CACNA2D3: variants seen among roughly 807,000 people sequenced by gnomAD.
CACNA2D3 encodes voltage-dependent calcium channel subunit alpha-2/delta-3.
Under a neutral mutation model 160.6 loss-of-function variants are expected in CACNA2D3, and 60 were observed. That is an observed-to-expected ratio of 0.37 (90% CI 0.30 to 0.46). The LOEUF is 0.46. Ranked by LOEUF, CACNA2D3 falls within the 20% of genes least tolerant of loss-of-function variation. CACNA2D3 has a pLI of 1.00. For missense variants in CACNA2D3, 1,205 were observed against 1,365.0 expected, an observed-to-expected ratio of 0.88 and a Z score of 1.85; for synonymous variants, 558 against 492.9, an observed-to-expected ratio of 1.13 and a Z score of -1.75.
chr3:54,272,790 G>A (rs557525132), intron 2 of CACNA2D3: 1 of 152,308 alleles, frequency 6.6e-6, no homozygotes, highest in South Asian at 2.1e-4. Flanking sequence ...CCTGAAAAGG[G>A]GATTGCACAG....
intron 4 of CACNA2D3, among the ~76,000 whole-genome samples, chr3:54,414,575 A>G (rs1353630977): frequency 6.6e-6 from 1 of 152,082 alleles, no homozygotes; most frequent in Non-Finnish European, 1.5e-5. Context: ...TTATGTGTTT[A>G]GAAACTCTGG....
At chr3:55,029,971 T>A (rs1380922215) in intron 35 of CACNA2D3, among the ~76,000 whole-genome samples, 1 of 152,222 alleles carries the variant, frequency 6.6e-6, no homozygotes, top group Non-Finnish European at 1.5e-5. Context: ...TGGGCTTTGT[T>A]TAATTTCTAA....
At chr3:54,408,149 A>T (rs1228497330) in intron 4 of CACNA2D3, among the ~76,000 whole-genome samples, 1 of 152,184 alleles carries the variant, frequency 6.6e-6, no homozygotes, top group African/African-American at 2.4e-5. Flanking sequence ...TTCAATTGTG[A>T]TAAGTGACAT....
At chr3:54,935,685 A>G (rs1701310553) in intron 27 of CACNA2D3, among the ~76,000 whole-genome samples, 1 of 152,286 alleles carries the variant, frequency 6.6e-6, no homozygotes, top group South Asian at 2.1e-4. Context: ...TTGCTTTTGT[A>G]CTTTTACTAT....
In CACNA2D3 at chr3:54,776,854, G is replaced by A. The variant is rs556516990; in HGVS notation, c.1380+12503G>A. Among the ~76,000 whole-genome samples, 3 of 152,244 alleles carry A rather than the reference G, an allele frequency of 2.0e-5. No homozygotes were observed. In the East Asian group the frequency reaches 5.8e-4, roughly 29 times the overall value. On this transcript the variant is annotated intron_variant, in intron 13 of 37. Coordinates refer to ENST00000474759, the MANE Select transcript of CACNA2D3 (RefSeq NM_018398.3). ...AGACTATCCCTGCTGTGTGGGTGGT[G>A]GGAAGCCCTCTCCCTTGTGCCTTCC... is the stretch of plus-strand genomic sequence containing the variant.
At chr3:54,552,693 C>T (rs561504731) in intron 5 of CACNA2D3, among the ~76,000 whole-genome samples, 9 of 152,214 alleles carry the variant, frequency 5.9e-5, no homozygotes, top group African/African-American at 1.4e-4. Context: ...CCATCTCTGC[C>T]GCTATCATCA....
intron 35 of CACNA2D3, among the ~76,000 whole-genome samples, chr3:55,072,330 A>G (rs1704828574): frequency 6.8e-6 from 1 of 147,978 alleles, no homozygotes; most frequent in Non-Finnish European, 1.5e-5. Flanking sequence ...AGAGGCATTC[A>G]TGGATCATTC....
chr3:54,630,329 G>A (rs889494952), intron 10 of CACNA2D3, among the ~76,000 whole-genome samples: 1 of 152,024 alleles, frequency 6.6e-6, no homozygotes, highest in Non-Finnish European at 1.5e-5. Context: ...TCTATTTTCT[G>A]TTCCTTTCCC....
intron 11 of CACNA2D3, among the ~76,000 whole-genome samples, chr3:54,722,230 G>C (rs1391754657): frequency 6.6e-6 from 1 of 152,074 alleles, no homozygotes; most frequent in Non-Finnish European, 1.5e-5. Flanking sequence ...TATGCTTCAC[G>C]AAGTTCTCAT....
At chr3:54,129,644 CAG>C (rs1699667163) in intron 2 of CACNA2D3, among the ~76,000 whole-genome samples, 2 of 152,320 alleles carry the variant, frequency 1.3e-5, no homozygotes, top group South Asian at 4.1e-4. Flanking sequence ...TAATGGAAAA[CAG>C]TACCCTCCCA....
intron 2 of CACNA2D3, among the ~76,000 whole-genome samples, chr3:54,269,812 T>C (rs1376259344): frequency 1.3e-5 from 2 of 152,222 alleles, no homozygotes; most frequent in African/African-American, 4.8e-5. Flanking sequence ...TTGTTTTTTG[T>C]TGTTTGTTTG....
intron 14 of CACNA2D3, among the ~76,000 whole-genome samples, chr3:54,833,258 C>G (rs184415571): frequency 2.0e-5 from 3 of 152,142 alleles, no homozygotes; most frequent in Non-Finnish European, 4.4e-5. Context: ...GCACCACAAC[C>G]ACAGGTTTCA....
At chr3:54,324,065 A>G (rs1026601427) in intron 3 of CACNA2D3, among the ~76,000 whole-genome samples, 5 of 152,248 alleles carry the variant, frequency 3.3e-5, no homozygotes, top group Non-Finnish European at 5.9e-5. Context: ...GGAAGCTACA[A>G]TAACAACACC....
At position 54,685,704 on chromosome 3, in the gene CACNA2D3, C is replaced by G. The variant is rs143187139; in HGVS notation, c.1167+43463C>G. Among the ~76,000 whole-genome samples the G allele has an allele frequency of 1.2e-3, 188 of 152,334 alleles. 1 individual carries two copies. Among genetic ancestry groups the G allele is most frequent in the African/African-American group, 4.1e-3 (170 of 41,578 alleles). ...GGCTGACATCGTCCCTACCTAGTAA[C>G]TGTTCATGGCTAGCTATTAGTACAG... On this transcript the variant is annotated intron_variant, in intron 11 of 37. Coordinates refer to ENST00000474759, the MANE Select transcript of CACNA2D3 (RefSeq NM_018398.3).
chr3:54,980,144 A>G (rs1361608850), intron 29 of CACNA2D3, among the ~76,000 whole-genome samples: 2 of 152,194 alleles, frequency 1.3e-5, no homozygotes, highest in African/African-American at 2.4e-5. Flanking sequence ...GCATTAGTGT[A>G]CTATTAATGT....
At chr3:54,673,420 C>T (rs1700192017) in intron 11 of CACNA2D3, among the ~76,000 whole-genome samples, 1 of 152,132 alleles carries the variant, frequency 6.6e-6, no homozygotes, top group Non-Finnish European at 1.5e-5. Context: ...CCAAACTTAT[C>T]TGATCAGGAA....
chr3:54,703,474 G>C (rs765518162), intron 11 of CACNA2D3, among the ~76,000 whole-genome samples: 15 of 152,046 alleles, frequency 9.9e-5, no homozygotes, highest in African/African-American at 1.9e-4. Flanking sequence ...CAATTGGAAT[G>C]GTGGCCACCT....
At chr3:54,562,964 G>A in intron 6 of CACNA2D3, 33 bp downstream of exon 6, 1 of 1,596,658 alleles carries the variant, frequency 6.3e-7, no homozygotes, top group South Asian at 1.1e-5. Context: ...TTATGACTCA[G>A]ATTAATGATA....
At chr3:54,669,810 T>C (rs987147497) in intron 11 of CACNA2D3, among the ~76,000 whole-genome samples, 16 of 152,090 alleles carry the variant, frequency 1.1e-4, no homozygotes, top group African/African-American at 3.6e-4. Context: ...GTTATGAGAC[T>C]GGCTAATTTT....
Sources: gnomAD v4.1 joint callset for allele counts (sites outside exome capture counted in the v4.1 genomes callset) on GRCh38, gnomAD v4.1.1 for gene constraint, MANE v1.5 for transcripts, NCBI Gene and HGNC (gene_info 2026-07-23, HGNC 2026-07-21) for gene names.